Variants in ARHGAP26 observed in about 807,000 individuals in gnomAD.
ARHGAP26 encodes Rho GTPase activating protein 26.
In ARHGAP26, 38 loss-of-function variants were observed where a neutral mutation model predicts 104.8. The observed-to-expected ratio is 0.36, with a 90% CI of 0.28 to 0.48. ARHGAP26 has a LOEUF of 0.48. ARHGAP26 is among the 20% of genes least tolerant of loss of function. The pLI is 0.99. For missense variants in ARHGAP26, 704 were observed against 947.9 expected, an observed-to-expected ratio of 0.74 and a Z score of 3.38; for synonymous variants, 341 against 340.0, an observed-to-expected ratio of 1.00 and a Z score of -0.03.
At chr5:142,859,507 G>A (rs542362624) in intron 1 of ARHGAP26, 2 of 152,138 alleles carry the variant, frequency 1.3e-5, no homozygotes, top group East Asian at 3.9e-4. Flanking sequence ...TAAATTATTA[G>A]TATGAACTCT....
intron 4 of ARHGAP26, 143 bp downstream of exon 4, chr5:142,879,588 A>G (rs534915757): frequency 1.3e-4 from 99 of 750,090 alleles, no homozygotes; most frequent in African/African-American, 1.0e-3. Context: ...AGAAAACTCT[A>G]TAGAGCCCAA....
At chr5:142,907,869 G>GTT in intron 9 of ARHGAP26, 65 bp downstream of exon 9, 1 of 1,161,296 alleles carries the variant, frequency 8.6e-7, no homozygotes, top group Non-Finnish European at 1.3e-6. Flanking sequence ...TATAATGCAT[G>GTT]TATAAAGTAA....
intron 22 of ARHGAP26, among the ~76,000 whole-genome samples, chr5:143,217,853 A>G (rs745966780): frequency 3.9e-5 from 6 of 152,252 alleles, no homozygotes; most frequent in Admixed American, 1.3e-4. Context: ...AGCAAGAGTC[A>G]TCTTTGAAAA....
chr5:143,181,961 C>T (rs186690401), intron 20 of ARHGAP26, among the ~76,000 whole-genome samples: 18 of 152,310 alleles, frequency 1.2e-4, no homozygotes, highest in Admixed American at 5.2e-4. Context: ...TCCCCTGACA[C>T]GGCTGCCTCC....
At position 143,183,608 on chromosome 5, in the gene ARHGAP26, C is replaced by T. The variant is rs1010586740; in HGVS notation, c.1989-23590C>T. Among the ~76,000 whole-genome samples, 3 of 152,176 alleles carry T rather than the reference C, an allele frequency of 2.0e-5. 1 individual carries two copies. The highest frequency in any genetic ancestry group is 4.4e-5 in the Non-Finnish European group (3 of 68,040). On this transcript the variant is annotated intron_variant, in intron 20 of 22. Transcript: ENST00000645722. Reference sequence around the variant, plus strand: ...CTCATTTCTTGAGCTCTTCCCTGCCCACACGTACTGTGAGTTGCCAAGAAA... The same window carrying T: ...CTCATTTCTTGAGCTCTTCCCTGCCTACACGTACTGTGAGTTGCCAAGAAA...
At chr5:142,984,405 A>G (rs1249249726) in intron 11 of ARHGAP26, among the ~76,000 whole-genome samples, 2 of 152,232 alleles carry the variant, frequency 1.3e-5, no homozygotes, top group African/African-American at 4.8e-5. Flanking sequence ...TCTAAATACT[A>G]TTCTACAACC....
rs6149274 is a variant in ARHGAP26 at position 143,167,482 on chromosome 5, C to CAAAAAAA, written c.1988+20131_1988+20137dup. ...TGCATGACAGAGCAAGACTCCATCT[C>CAAAAAAA]AAAAAAAAAAAAAAAAAAAAAAAAA... On this transcript the variant is annotated intron_variant, in intron 20 of 22. Coordinates refer to ENST00000645722, the MANE Select transcript of ARHGAP26 (RefSeq NM_001135608.3). Among the ~76,000 whole-genome samples, 16 of 60,088 alleles carry CAAAAAAA rather than the reference C, an allele frequency of 2.7e-4. No homozygotes were observed. In the East Asian group the frequency reaches 4.7e-3, roughly 17 times the overall value. 39.4% of individuals were successfully genotyped at this position (60,088 alleles called of 152,430 possible). A position where few individuals can be genotyped will look rare whatever the true frequency, so the allele number is the denominator to read the frequency against.
At chr5:143,068,765 C>T (rs1011881159) in intron 17 of ARHGAP26, among the ~76,000 whole-genome samples, 3 of 152,220 alleles carry the variant, frequency 2.0e-5, no homozygotes, top group African/African-American at 4.8e-5. Flanking sequence ...AAATAGTTGT[C>T]TGTGCTTGCT....
intron 20 of ARHGAP26, among the ~76,000 whole-genome samples, chr5:143,179,312 C>G (rs1803962129): frequency 6.6e-6 from 1 of 152,218 alleles, no homozygotes; most frequent in Non-Finnish European, 1.5e-5. Flanking sequence ...CAAGGCAGCA[C>G]TTACTAAATA....
chr5:143,219,575 T>C (rs1442013999), intron 22 of ARHGAP26, among the ~76,000 whole-genome samples: 1 of 152,224 alleles, frequency 6.6e-6, no homozygotes, highest in African/African-American at 2.4e-5. Context: ...TCCATGGTAG[T>C]ATTTACAAAG....
chr5:142,904,918 C>T (rs1210769457), intron 8 of ARHGAP26, among the ~76,000 whole-genome samples: 2 of 152,120 alleles, frequency 1.3e-5, no homozygotes, highest in Non-Finnish European at 2.9e-5. Context: ...ACTAATTATT[C>T]TATTTAGTAA....
chr5:142,823,495 G>GCTTTATACACCACTGTGTGTAA (rs1398827796), intron 1 of ARHGAP26, among the ~76,000 whole-genome samples: 39 of 152,054 alleles, frequency 2.6e-4, no homozygotes, highest in African/African-American at 8.2e-4. Flanking sequence ...TGGCTCTTGG[G>GCTTTATACACCACTGTGTGTAA]ACTGTGTGAC....
At chr5:142,997,418 G>T (rs1776566996) in intron 11 of ARHGAP26, among the ~76,000 whole-genome samples, 1 of 151,832 alleles carries the variant, frequency 6.6e-6, no homozygotes, top group Non-Finnish European at 1.5e-5. Flanking sequence ...TTTTCTTGAG[G>T]GGTTGGTGGG....
chr5:143,102,998 CA>C (rs1228664879), intron 17 of ARHGAP26, among the ~76,000 whole-genome samples: 2 of 152,130 alleles, frequency 1.3e-5, no homozygotes, highest in Non-Finnish European at 2.9e-5. Context: ...CCCAGCTTCA[CA>C]GGGGGGATCT....
chr5:142,976,846 C>T (rs887641919), intron 11 of ARHGAP26, among the ~76,000 whole-genome samples: 1 of 152,182 alleles, frequency 6.6e-6, no homozygotes, highest in Non-Finnish European at 1.5e-5. Context: ...TTGCCATCAT[C>T]CTCAGGTAGG....
chr5:142,838,895 C>T (rs1401656238), intron 1 of ARHGAP26, among the ~76,000 whole-genome samples: 2 of 152,150 alleles, frequency 1.3e-5, no homozygotes, highest in Non-Finnish European at 2.9e-5. Flanking sequence ...GACTAGAACT[C>T]GTACCACTGA....
chr5:142,885,546 C>T, intron 5 of ARHGAP26, 147 bp downstream of exon 5: 1 of 628,888 alleles, frequency 1.6e-6, no homozygotes, highest in Non-Finnish European at 2.7e-6. Flanking sequence ...CATCCAGTGC[C>T]TGATGCCTGG....
intron 1 of ARHGAP26, among the ~76,000 whole-genome samples, chr5:142,804,861 G>C (rs1489261911): frequency 6.6e-6 from 1 of 151,884 alleles, no homozygotes; most frequent in Non-Finnish European, 1.5e-5. Flanking sequence ...AGTGAATTCT[G>C]CTCTCACCAT....
intron 12 of ARHGAP26, among the ~76,000 whole-genome samples, chr5:143,022,736 A>G (rs1310535113): frequency 6.6e-6 from 1 of 152,170 alleles, no homozygotes; most frequent in African/African-American, 2.4e-5. Context: ...TGAGTTTCCA[A>G]AGGAGCTCAC....
Sources: gnomAD v4.1 joint callset for allele counts (sites outside exome capture counted in the v4.1 genomes callset) on GRCh38, gnomAD v4.1.1 for gene constraint, MANE v1.5 for transcripts, NCBI Gene and HGNC (gene_info 2026-07-23, HGNC 2026-07-21) for gene names.